Variants in ATF1 observed in about 807,000 individuals in gnomAD.
ATF1 encodes cyclic AMP-dependent transcription factor ATF-1.
ATF1 carries 16 observed loss-of-function variants against 34.7 expected under a neutral mutation model. That is an observed-to-expected ratio of 0.46 (90% CI 0.31 to 0.70). ATF1 has a LOEUF of 0.70. Among genes scored for constraint, ATF1 ranks in the 30% least tolerant of loss-of-function variants. ATF1 has a pLI of 0.05. For synonymous variants in ATF1, 105 were observed against 113.1 expected (o/e 0.93, Z 0.46); for missense variants, 255 against 321.6 (o/e 0.79, Z 1.58).
chr12:50,805,448 C>T (rs767523592), intron 3 of ATF1, among the ~76,000 whole-genome samples: 1 of 151,024 alleles, frequency 6.6e-6, no homozygotes, highest in Non-Finnish European at 1.5e-5. Flanking sequence ...GTCCCAGCCA[C>T]TCGGGAGGCT....
chr12:50,802,713 A>G (rs1485673468), intron 3 of ATF1, among the ~76,000 whole-genome samples: 3 of 151,310 alleles, frequency 2.0e-5, no homozygotes, highest in Non-Finnish European at 4.4e-5. Context: ...CTCTACTAAA[A>G]ATACAAAAAT....
chr12:50,772,083 G>T (rs942416262), intron 1 of ATF1, among the ~76,000 whole-genome samples: 5 of 152,062 alleles, frequency 3.3e-5, no homozygotes, highest in Admixed American at 1.3e-4. Flanking sequence ...CTGTGGACTT[G>T]ACCCATTATT....
At chr12:50,788,828 T>C (rs936129152) in intron 2 of ATF1, among the ~76,000 whole-genome samples, 1 of 152,176 alleles carries the variant, frequency 6.6e-6, no homozygotes, top group Admixed American at 6.6e-5. Flanking sequence ...GTATAAACAA[T>C]TGGCCTCTTT....
chr12:50,778,978 G>A (rs1431374462), intron 1 of ATF1, among the ~76,000 whole-genome samples: 11 of 152,108 alleles, frequency 7.2e-5, no homozygotes, highest in Non-Finnish European at 1.5e-5. Flanking sequence ...GTGGAGTTTT[G>A]CTACTCTAGA....
chr12:50,794,871 ATT>A (rs1941379901), intron 2 of ATF1, among the ~76,000 whole-genome samples: 1 of 152,160 alleles, frequency 6.6e-6, no homozygotes, highest in Admixed American at 6.5e-5. Flanking sequence ...GTGAGCTGTC[ATT>A]GCACCACTGC....
At position 50,787,408 on chromosome 12, in the gene ATF1, G is replaced by C. The variant is rs181813300; in HGVS notation, c.93+7170G>C. On this transcript the variant is annotated intron_variant, in intron 2 of 6. Transcript: ENST00000262053. ...GACAGCTGGGGAATTTCAGCAGAGG[G>C]TTAGAAACTATATGAAAAAGTCAAA... Among the ~76,000 whole-genome samples, 561 of 152,236 alleles carry C rather than the reference G, an allele frequency of 3.7e-3. 4 individuals carry two copies. The highest frequency in any genetic ancestry group is 4.0e-3 in the Non-Finnish European group (271 of 68,006).
chr12:50,802,641 G>C (rs1047291316), intron 3 of ATF1, among the ~76,000 whole-genome samples: 3 of 152,054 alleles, frequency 2.0e-5, no homozygotes, highest in African/African-American at 7.2e-5. Context: ...GGGAGGTCAA[G>C]GTGGGGCAGA....
At chr12:50,816,064 G>A (rs1405134564) in intron 6 of ATF1, among the ~76,000 whole-genome samples, 2 of 152,204 alleles carry the variant, frequency 1.3e-5, no homozygotes, top group East Asian at 1.9e-4. Context: ...GCTGGGCGTG[G>A]TGGCTTATGC....
At chr12:50,773,940 T>G (rs936047699) in intron 1 of ATF1, among the ~76,000 whole-genome samples, 1 of 152,180 alleles carries the variant, frequency 6.6e-6, no homozygotes, top group Non-Finnish European at 1.5e-5. Context: ...CGGTTTTGAT[T>G]TACATTTCTC....
In ATF1 at chr12:50,810,960, A is replaced by C. The variant is rs1273704269; in HGVS notation, c.328+1371A>C. Reference sequence around the variant, plus strand: ...CCTCTAGTGACATTTTATCACACTTAGAATAAAATCCGGATCTTACAAGGC... The same window carrying C: ...CCTCTAGTGACATTTTATCACACTTCGAATAAAATCCGGATCTTACAAGGC... On this transcript the variant is annotated intron_variant, in intron 4 of 6. Transcript: ENST00000262053. Among the ~76,000 whole-genome samples, 5 of 152,038 alleles carry C rather than the reference A, an allele frequency of 3.3e-5. No homozygotes were observed. The East Asian group carries it at 9.6e-4, about 29-fold the overall frequency.
At position 50,814,441 on chromosome 12, in the gene ATF1, T is replaced by TGTCGCAGA; in HGVS notation, c.671+2_671+3insGTCGCAGA. 1 of 1,613,360 alleles carries TGTCGCAGA rather than the reference T, an allele frequency of 6.2e-7. No homozygotes were observed. ...AGAAATAAGGTTAATGAAAAACAGG[T>TGTCGCAGA]AGGTAGTAAAATCGTAGTACCAGAA... is the stretch of plus-strand genomic sequence containing the variant. On this transcript the variant is annotated splice_region_variant and intron_variant, in intron 6 of 6. Transcript: ENST00000262053.
intron 3 of ATF1, among the ~76,000 whole-genome samples, chr12:50,796,892 AAAAT>A (rs1335831517): frequency 2.0e-5 from 3 of 152,194 alleles, no homozygotes; most frequent in Non-Finnish European, 4.4e-5. Flanking sequence ...AGGCTACAAA[AAAAT>A]AAATAAATGG....
intron 1 of ATF1, among the ~76,000 whole-genome samples, chr12:50,779,124 T>C (rs1940998252): frequency 6.6e-6 from 1 of 152,240 alleles, no homozygotes; most frequent in South Asian, 2.1e-4. Flanking sequence ...AATATTCCAT[T>C]GTATGTACAG....
At chr12:50,799,517 G>A (rs186618780) in intron 3 of ATF1, among the ~76,000 whole-genome samples, 11 of 152,188 alleles carry the variant, frequency 7.2e-5, no homozygotes, top group East Asian at 1.9e-4. Flanking sequence ...CAACTTGCAC[G>A]GGAAAAGACT....
chr12:50,792,714 A>C (rs975588291), intron 2 of ATF1, among the ~76,000 whole-genome samples: 2 of 152,238 alleles, frequency 1.3e-5, no homozygotes, highest in African/African-American at 4.8e-5. Flanking sequence ...ACCTAGTGAA[A>C]ATAGAAGACA....
chr12:50,772,661 T>C (rs1940804551), intron 1 of ATF1, among the ~76,000 whole-genome samples: 3 of 148,542 alleles, frequency 2.0e-5, no homozygotes, highest in African/African-American at 7.4e-5. Flanking sequence ...GTGAGGTAAC[T>C]GTCTAAATAT....
chr12:50,807,801 TG>T (rs375245208), intron 3 of ATF1, among the ~76,000 whole-genome samples: 62 of 25,384 alleles, frequency 2.4e-3, no homozygotes, highest in Non-Finnish European at 0.015. Context: ...ATTGTGTGTG[TG>T]TTTTTTTTTT....
At chr12:50,776,623 T>G (rs1940931460) in intron 1 of ATF1, among the ~76,000 whole-genome samples, 1 of 152,120 alleles carries the variant, frequency 6.6e-6, no homozygotes, top group South Asian at 2.1e-4. Flanking sequence ...ATTTTTTACC[T>G]ATCATTAATT....
intron 2 of ATF1, among the ~76,000 whole-genome samples, chr12:50,793,964 T>C (rs1941358016): frequency 6.6e-6 from 1 of 151,922 alleles, no homozygotes; most frequent in Non-Finnish European, 1.5e-5. Flanking sequence ...ATTTTTATTT[T>C]TTTTGAGCGG....
Sources: allele counts gnomAD v4.1 joint callset (sites outside exome capture counted in the v4.1 genomes callset), GRCh38; gene constraint gnomAD v4.1.1; transcripts MANE v1.5; gene names NCBI Gene and HGNC (gene_info 2026-07-23, HGNC 2026-07-21).